The following TATDN1 variants were observed in gnomAD, a reference collection of about 807,000 sequenced individuals.
The protein encoded by TATDN1 is deoxyribonuclease TATDN1.
In TATDN1, 40 loss-of-function variants were observed where a neutral mutation model predicts 46.4. That is an observed-to-expected ratio of 0.86 (90% CI 0.67 to 1.12). The LOEUF is 1.12. TATDN1 is among the 50% of genes most tolerant of loss of function. The pLI is 0.00. For missense variants in TATDN1, 326 were observed against 348.4 expected, an observed-to-expected ratio of 0.94 and a Z score of 0.51; for synonymous variants, 95 against 105.6, an observed-to-expected ratio of 0.90 and a Z score of 0.62.
chr8:124,523,874 C>T (rs1042200363), intron 1 of TATDN1, among the ~76,000 whole-genome samples: 2 of 152,006 alleles, frequency 1.3e-5, no homozygotes, highest in African/African-American at 4.8e-5. Flanking sequence ...TTTTAAAATA[C>T]TGGATGCAAC....
intron 1 of TATDN1, among the ~76,000 whole-genome samples, chr8:124,535,605 T>G (rs1469982371): frequency 6.6e-6 from 1 of 152,240 alleles, no homozygotes; most frequent in Admixed American, 6.5e-5. Context: ...GTAGCCTCAG[T>G]ATGATCTTAT....
intron 8 of TATDN1, among the ~76,000 whole-genome samples, chr8:124,506,334 C>CAAAAAAAAAAAAAAAAAAAAAAAAAAA (rs56023168): frequency 3.8e-4 from 20 of 52,456 alleles, no homozygotes; most frequent in East Asian, 5.8e-4. Context: ...GGCTCTGTCT[C>CAAAAAAAAAAAAAAAAAAAAAAAAAAA]AAAAAAAAAA....
intron 6 of TATDN1, 67 bp downstream of exon 6, chr8:124,515,679 G>T: frequency 1.4e-6 from 2 of 1,467,592 alleles, no homozygotes; most frequent in South Asian, 1.2e-5. Flanking sequence ...ACTCTCACCT[G>T]ATACAAGATA....
chr8:124,526,513 C>G (rs4871498), intron 1 of TATDN1, among the ~76,000 whole-genome samples: 67,337 of 151,972 alleles, frequency 0.44, 15,262 homozygotes, highest in South Asian at 0.54. Flanking sequence ...ATGATAGGAA[C>G]AAAAACAAGG....
chr8:124,515,903 T>C lies in TATDN1; in HGVS notation c.330A>G (p.Ile110Met), dbSNP rs1203649963. 1.9e-6 allele frequency: 3 copies of C among 1,614,102 alleles called. No individual in the cohort carries two copies. Among genetic ancestry groups the C allele is most frequent in the Non-Finnish European group, 2.5e-6 (3 of 1,179,994 alleles). Residue 110 changes from isoleucine (I) to methionine (M), a missense_variant, in exon 5 of 12, where the codon ATA becomes ATG. Physicochemically the swap from Ile to Met is conservative, Grantham distance 10. Coordinates refer to ENST00000276692, the MANE Select transcript of TATDN1 (RefSeq NM_032026.4). ...GGCACTCACCAAGTCCGCATTCTCCTATTGCCACAACTTTCCCTTTATTGT... is the reference window on the plus strand; with the variant it reads ...GGCACTCACCAAGTCCGCATTCTCCCATTGCCACAACTTTCCCTTTATTGT... ...AENNKGKVVA[I>M]GECGLDFDRL... is the part of the protein sequence containing the mutation.
intron 1 of TATDN1, among the ~76,000 whole-genome samples, chr8:124,534,420 TA>T (rs1358731361): frequency 2.6e-5 from 4 of 152,308 alleles, no homozygotes; most frequent in Admixed American, 2.0e-4. Flanking sequence ...AGGTGTGAGA[TA>T]GGAAAAAATG....
At chr8:124,510,238 A>G (rs1317156152) in intron 6 of TATDN1, among the ~76,000 whole-genome samples, 1 of 152,124 alleles carries the variant, frequency 6.6e-6, no homozygotes, top group East Asian at 1.9e-4. Flanking sequence ...GGACAAAAAG[A>G]GATTTTGATA....
At chr8:124,536,008 C>T (rs1821397824) in intron 1 of TATDN1, among the ~76,000 whole-genome samples, 1 of 152,118 alleles carries the variant, frequency 6.6e-6, no homozygotes, top group South Asian at 2.1e-4. Flanking sequence ...TTGGAGGGGA[C>T]AAATATCTAA....
intron 3 of TATDN1, among the ~76,000 whole-genome samples, chr8:124,520,149 A>T (rs1819897106): frequency 6.6e-6 from 1 of 152,254 alleles, no homozygotes; most frequent in African/African-American, 2.4e-5. Flanking sequence ...AAAGCAGAAG[A>T]TGTAAGGCAG....
intron 1 of TATDN1, among the ~76,000 whole-genome samples, chr8:124,533,900 A>T (rs181394124): frequency 2.6e-5 from 4 of 152,178 alleles, no homozygotes; most frequent in Admixed American, 6.5e-5. Flanking sequence ...TAATCCCAGC[A>T]CTTTGGGAGG....
intron 1 of TATDN1, 86 bp downstream of exon 1, chr8:124,538,939 G>T: frequency 6.5e-7 from 1 of 1,539,558 alleles, no homozygotes; most frequent in Non-Finnish European, 9.0e-7. Context: ...ATGCCGGAGG[G>T]CGCAATTCCT....
In TATDN1 at chr8:124,539,020, C is replaced by G. The variant is rs569893262; in HGVS notation, c.22+5G>C. ...ACCCAAGGGCGTGGAAAACGCTCCT[C>G]TTACCGATAAACTTGAAGCGACTCA... On this transcript the variant is annotated splice_donor_5th_base_variant and intron_variant, in intron 1 of 11. Coordinates refer to ENST00000276692, the MANE Select transcript of TATDN1 (RefSeq NM_032026.4). 19 of 1,614,142 alleles carry G rather than the reference C, an allele frequency of 1.2e-5. No homozygotes were observed. The highest frequency in any genetic ancestry group is 1.7e-5 in the Admixed American group (1 of 60,032).
intron 8 of TATDN1, chr8:124,504,561 C>G (rs946034368): frequency 2.9e-6 from 1 of 347,116 alleles, no homozygotes. Context: ...AAAACGTTAG[C>G]TGCCGAGAAT....
In TATDN1 at chr8:124,534,145, C is replaced by CAAAAAAAAAAAAAAA. The variant is rs869060230; in HGVS notation, c.22+4865_22+4879dup. Reference sequence around the variant, plus strand: ...TGGGCAACAGAGCGAGACTCCGTCTCAAAAAAAAAAAAAAAAAAAAAAAAA... The same window carrying CAAAAAAAAAAAAAAA: ...TGGGCAACAGAGCGAGACTCCGTCTCAAAAAAAAAAAAAAAAAAAAAAAAAAAAAAAAAAAAAAAA... On this transcript the variant is annotated intron_variant, in intron 1 of 11. Transcript: ENST00000276692. Among the ~76,000 whole-genome samples the CAAAAAAAAAAAAAAA allele has an allele frequency of 3.9e-4, 20 of 51,270 alleles. 1 individual carries two copies. The highest frequency in any genetic ancestry group is 0.016 in the Middle Eastern group (1 of 62). The allele number at this position is 51,270 out of a possible 152,430, so 33.6% of individuals were successfully genotyped here.
chr8:124,538,101 T>C (rs2131590997), intron 1 of TATDN1, among the ~76,000 whole-genome samples: 1 of 152,282 alleles, frequency 6.6e-6, no homozygotes, highest in East Asian at 1.9e-4. Flanking sequence ...CCTGGGTACC[T>C]CTCTTCACCG....
intron 1 of TATDN1, among the ~76,000 whole-genome samples, chr8:124,533,480 G>A (rs1821151097): frequency 6.6e-6 from 1 of 152,102 alleles, no homozygotes; most frequent in African/African-American, 2.4e-5. Flanking sequence ...GGTGGCAACT[G>A]CCCTCAGTAC....
chr8:124,508,614 G>A lies in TATDN1; in HGVS notation c.464C>T (p.Ala155Val), dbSNP rs773378623. 17 of 1,604,910 alleles carry A rather than the reference G, an allele frequency of 1.1e-5. No homozygotes were observed. The highest frequency in any genetic ancestry group is 3.4e-6 in the Non-Finnish European group (4 of 1,175,648). The change falls in exon 7 of 12, where the codon GCT becomes GTT. Residue 155 changes from alanine to valine, a missense_variant. Coordinates refer to ENST00000276692, the MANE Select transcript of TATDN1 (RefSeq NM_032026.4). ...TGGTTTTAACTCACCCAAAAATTCA[G>A]CATGTGAGTTTCGACAATGAAGAAA... Reference protein sequence around the residue: ...PMFLHCRNSHAEFLDIMKRNR... With the variant: ...PMFLHCRNSHVEFLDIMKRNR...
At chr8:124,523,160 G>A in intron 1 of TATDN1, 158 bp from the exon 2 acceptor site, 1 of 620,660 alleles carries the variant, frequency 1.6e-6, no homozygotes, top group Middle Eastern at 4.4e-4. Context: ...TAGAAACATG[G>A]GATACAAAGA....
intron 1 of TATDN1, among the ~76,000 whole-genome samples, chr8:124,537,739 C>T (rs1301239546): frequency 6.6e-6 from 1 of 152,116 alleles, no homozygotes; most frequent in Non-Finnish European, 1.5e-5. Context: ...GATGGAAAGG[C>T]TAAGACACGG....
Sources: allele counts gnomAD v4.1 joint callset (sites outside exome capture counted in the v4.1 genomes callset), GRCh38; gene constraint gnomAD v4.1.1; transcripts MANE v1.5; gene names NCBI Gene and HGNC (gene_info 2026-07-23, HGNC 2026-07-21).